Variants in CCDC181 observed in about 807,000 individuals in gnomAD.
CCDC181 encodes coiled-coil domain-containing protein 181.
A neutral mutation model predicts 58.7 loss-of-function variants in CCDC181; 35 were observed. The observed-to-expected ratio is 0.60, with a 90% CI of 0.46 to 0.79. The LOEUF (loss-of-function observed/expected upper bound fraction) is 0.79. Ranked by LOEUF, CCDC181 falls within the 30% of genes least tolerant of loss-of-function variation. CCDC181 has a pLI of 0.00. For synonymous variants in CCDC181, 183 were observed against 197.5 expected (o/e 0.93, Z 0.62); for missense variants, 517 against 583.9 (o/e 0.89, Z 1.18).
chr1:169,421,769 C>G lies in CCDC181; in HGVS notation c.662G>C (p.Arg221Thr). 6.2e-7 allele frequency: 1 copy of G among 1,614,140 alleles called. No individual in the cohort carries two copies. Among genetic ancestry groups the G allele is most frequent in the Non-Finnish European group, 8.5e-7 (1 of 1,180,024 alleles). ...ATTCAGAAGTTCAAATTTTCCATCTCTCTCTACCAGTATTGTCCTATCCTT... is the reference window on the plus strand; with the variant it reads ...ATTCAGAAGTTCAAATTTTCCATCTGTCTCTACCAGTATTGTCCTATCCTT... The part of the protein sequence containing the change: ...ENKDRTILVE[R>T]DGKFELLNLQ... Residue 221 changes from arginine (R) to threonine (T), a missense_variant, in exon 3 of 6, where the codon AGA (arginine) becomes ACA (threonine). Coordinates refer to ENST00000367806, the MANE Select transcript of CCDC181 (RefSeq NM_001300969.2).
At chr1:169,430,004 G>A (rs1451635821), upstream of CCDC181, among the ~76,000 whole-genome samples, 1 of 152,130 alleles carries the variant, frequency 6.6e-6, no homozygotes, top group East Asian at 1.9e-4. Context: ...TGAGGATCCA[G>A]TTTCATTTTT....
chr1:169,453,041 T>G (rs759857659), intron 2 of CCDC181, among the ~76,000 whole-genome samples: 1 of 151,246 alleles, frequency 6.6e-6, no homozygotes, highest in Non-Finnish European at 1.5e-5. Flanking sequence ...AAATACATAA[T>G]CAATGTGAAG....
At position 169,397,219 on chromosome 1, in the gene CCDC181, G is replaced by A; in HGVS notation, c.1370+18C>T. 6.6e-7 allele frequency: 1 copy of A among 1,516,218 alleles called. No homozygotes were observed. The highest frequency in any genetic ancestry group is 8.8e-7 in the Non-Finnish European group (1 of 1,132,772). The allele number at this position is 1,516,218 out of a possible 1,614,324, so 93.9% of individuals were successfully genotyped here. On this transcript the variant is annotated intron_variant, in intron 5 of 5. Coordinates refer to ENST00000367806, the MANE Select transcript of CCDC181 (RefSeq NM_001300969.2). ...CATGAGGAAGGAGGAGGGGGGAAAT[G>A]CCCTGCCTTTAACTTACTGTTTAAA...
rs551939061 is a variant in CCDC181 at position 169,421,234 on chromosome 1, C to A, written c.1068+129G>T. The A allele has an allele frequency of 3.7e-5, 26 of 697,868 alleles. No homozygotes were observed. The East Asian group carries it at 6.8e-4, about 18-fold the overall frequency. The allele number at this position is 697,868 out of a possible 1,614,324, so 43.2% of individuals were successfully genotyped here. A position where few individuals can be genotyped will look rare whatever the true frequency, so the allele number is the denominator to read the frequency against. On this transcript the variant is annotated intron_variant, in intron 3 of 5. Transcript: ENST00000367806. ...TGCACATTCTTAACACTTAATCAAT[C>A]TAACAATAGATAAATAAAGCAATCA... is the stretch of plus-strand genomic sequence containing the variant.
intron 2 of CCDC181, chr1:169,442,944 T>G (rs1010407389): frequency 6.6e-6 from 1 of 151,986 alleles, no homozygotes; most frequent in Non-Finnish European, 1.5e-5. Context: ...TATAGTTATA[T>G]GCAGATTTCA....
intron 4 of CCDC181, among the ~76,000 whole-genome samples, chr1:169,408,979 C>T (rs928096728): frequency 1.3e-5 from 2 of 152,180 alleles, no homozygotes; most frequent in Admixed American, 6.5e-5. Context: ...AATGCCTCTT[C>T]TCCTCCAAAG....
intron 4 of CCDC181, among the ~76,000 whole-genome samples, chr1:169,412,337 A>C (rs1465202587): frequency 3.3e-5 from 5 of 152,202 alleles, no homozygotes; most frequent in African/African-American, 1.2e-4. Flanking sequence ...GGACCTCTTC[A>C]AGGAGACCTA....
chr1:169,403,565 G>A (rs1361184183), intron 4 of CCDC181, among the ~76,000 whole-genome samples: 1 of 151,990 alleles, frequency 6.6e-6, no homozygotes, highest in Non-Finnish European at 1.5e-5. Flanking sequence ...TGACTACTGG[G>A]TAGATAACGA....
Position 169,421,566 on chromosome 1 carries a change from C to G in CCDC181, c.865G>C (p.Ala289Pro), listed in dbSNP as rs776316518. 24 of 1,613,978 alleles carry G rather than the reference C, an allele frequency of 1.5e-5. No individual in the cohort carries two copies. The South Asian group carries it at 2.3e-4, about 16-fold the overall frequency. ...TTGAGTGGTGGCTGAGCGATATAAG[C>G]CAGCGGCTCTCCTGTTGATGAGTGA... ...VTHSSTGEPL[A>P]YIAQPPLNRK... The change falls in exon 3 of 6, where the codon GCT becomes CCT. Residue 289 changes from alanine (A) to proline (P), a missense_variant. By Grantham distance (27) the Ala-to-Pro change is conservative (BLOSUM62 -1). Coordinates refer to ENST00000367806, the MANE Select transcript of CCDC181 (RefSeq NM_001300969.2).
intron 2 of CCDC181, 58 bp downstream of exon 2, chr1:169,424,752 TA>T: frequency 1.0e-6 from 1 of 980,960 alleles, no homozygotes; most frequent in Non-Finnish European, 1.6e-6. Flanking sequence ...GTGAAAACCT[TA>T]AAGAATTGCA....
At chr1:169,417,203 T>A (rs1271106103) in intron 4 of CCDC181, among the ~76,000 whole-genome samples, 1 of 152,028 alleles carries the variant, frequency 6.6e-6, no homozygotes, top group Non-Finnish European at 1.5e-5. Flanking sequence ...TAGCATCAAA[T>A]CCCATGGGTT....
chr1:169,437,381 A>G (rs1169757178), intron 2 of CCDC181, among the ~76,000 whole-genome samples: 2 of 152,236 alleles, frequency 1.3e-5, no homozygotes, highest in Non-Finnish European at 2.9e-5. Flanking sequence ...AAGGCAGTCT[A>G]GCGCCCAGGC....
chr1:169,422,583 T>A (rs1362224403), intron 2 of CCDC181, among the ~76,000 whole-genome samples: 1 of 152,170 alleles, frequency 6.6e-6, no homozygotes, highest in Non-Finnish European at 1.5e-5. Flanking sequence ...TGCTAATGTA[T>A]CAAAAGGTAA....
intron 2 of CCDC181, among the ~76,000 whole-genome samples, chr1:169,422,607 T>C (rs933575958): frequency 1.3e-5 from 2 of 152,102 alleles, no homozygotes; most frequent in African/African-American, 4.8e-5. Flanking sequence ...CAAATAACAA[T>C]ATTAATATTC....
chr1:169,403,661 G>A (rs1478246643), intron 4 of CCDC181, among the ~76,000 whole-genome samples: 3 of 152,236 alleles, frequency 2.0e-5, no homozygotes, highest in South Asian at 4.1e-4. Flanking sequence ...ATTTAAAGCA[G>A]TGTGTAGAGT....
chr1:169,458,185 TTTTG>T (rs1557884461), intron 2 of CCDC181, among the ~76,000 whole-genome samples: 10 of 119,688 alleles, frequency 8.4e-5, no homozygotes, highest in African/African-American at 1.3e-4. Context: ...GTTTTTTTTT[TTTTG>T]TTTTGTTTTT....
At chr1:169,439,088 T>A (rs573708786) in intron 2 of CCDC181, among the ~76,000 whole-genome samples, 3 of 152,190 alleles carry the variant, frequency 2.0e-5, no homozygotes, top group African/African-American at 7.2e-5. Context: ...CACCCCACAG[T>A]GGGGCTATAT....
At chr1:169,428,383 A>C (rs1276911218), upstream of CCDC181, among the ~76,000 whole-genome samples, 1 of 152,146 alleles carries the variant, frequency 6.6e-6, no homozygotes, top group Admixed American at 6.5e-5. Flanking sequence ...ATGGATGTAG[A>C]GTTGTAGAGT....
intron 2 of CCDC181, among the ~76,000 whole-genome samples, chr1:169,434,119 T>C (rs965676231): frequency 2.6e-5 from 4 of 151,774 alleles, no homozygotes; most frequent in Non-Finnish European, 5.9e-5. Context: ...AACACTCCAA[T>C]TCAAAAAATG....
Sources: gnomAD v4.1 joint callset for allele counts (sites outside exome capture counted in the v4.1 genomes callset) on GRCh38, gnomAD v4.1.1 for gene constraint, MANE v1.5 for transcripts, NCBI Gene and HGNC (gene_info 2026-07-23, HGNC 2026-07-21) for gene names.